MCF2L2: variants seen among roughly 807,000 people sequenced by gnomAD.
MCF2L2 encodes the protein MCF.2 cell line derived transforming sequence-like 2.
A neutral mutation model predicts 150.2 loss-of-function variants in MCF2L2; 102 were observed. That is an observed-to-expected ratio of 0.68 (90% CI 0.58 to 0.80). The LOEUF (loss-of-function observed/expected upper bound fraction) is 0.80. MCF2L2 is among the 30% of genes least tolerant of loss of function. The pLI is 0.00. For synonymous variants in MCF2L2, 465 were observed against 491.3 expected (o/e 0.95, Z 0.71); for missense variants, 1,256 against 1,372.8 (o/e 0.91, Z 1.34).
chr3:183,231,568 C>T (rs1341177006), intron 15 of MCF2L2, among the ~76,000 whole-genome samples: 3 of 152,014 alleles, frequency 2.0e-5, no homozygotes, highest in African/African-American at 4.8e-5. Flanking sequence ...AACCCTCCTG[C>T]CTCAGCCTCC....
rs73886927 is a variant in MCF2L2, at chr3:183,408,445, G to A, written c.77-18666C>T. On this transcript the variant is annotated intron_variant, in intron 1 of 29. Coordinates refer to ENST00000328913, the MANE Select transcript of MCF2L2 (RefSeq NM_015078.4). ...CCTGAGGAGCTGCGCAGGATGCTGC[G>A]GCTGCAGCAGTGGAGGTGGTGGCCT... Among the ~76,000 whole-genome samples the A allele has an allele frequency of 7.5e-3, 1,137 of 152,260 alleles. 16 individuals are homozygous for A. The highest frequency in any genetic ancestry group is 0.025 in the African/African-American group (1,041 of 41,542).
intron 10 of MCF2L2, among the ~76,000 whole-genome samples, chr3:183,308,801 G>A (rs1729222976): frequency 1.3e-5 from 2 of 152,108 alleles, no homozygotes; most frequent in African/African-American, 2.4e-5. Flanking sequence ...TCTAATTAGC[G>A]CTTACTCAGG....
intron 15 of MCF2L2, among the ~76,000 whole-genome samples, chr3:183,256,593 G>A (rs946268179): frequency 6.6e-6 from 1 of 152,180 alleles, no homozygotes; most frequent in East Asian, 1.9e-4. Context: ...TACCAAGTGT[G>A]TAGGCAACAA....
intron 14 of MCF2L2, among the ~76,000 whole-genome samples, chr3:183,285,309 C>G (rs1727724859): frequency 6.6e-6 from 1 of 152,190 alleles, no homozygotes; most frequent in Non-Finnish European, 1.5e-5. Context: ...CAGAAAAGGA[C>G]ATTTAGGGCA....
At position 183,259,484 on chromosome 3, in the gene MCF2L2, T is replaced by TA. The variant is rs573230513; in HGVS notation, c.1862+17387dup. Among the ~76,000 whole-genome samples the TA allele has an allele frequency of 4.2e-3, 642 of 152,352 alleles. 9 individuals carry two copies. The highest frequency in any genetic ancestry group is 1.4e-3 in the Non-Finnish European group (97 of 68,026). ...ACATCTCTTCATCAGGTTTACTTCTTACGTGTCATTTTATGAGCTGACTTT... is the reference window on the plus strand; with the variant it reads ...ACATCTCTTCATCAGGTTTACTTCTTAACGTGTCATTTTATGAGCTGACTTT... On this transcript the variant is annotated intron_variant, in intron 15 of 29. Transcript: ENST00000328913.
intron 1 of MCF2L2, among the ~76,000 whole-genome samples, chr3:183,425,296 A>G (rs1003746053): frequency 2.0e-5 from 3 of 152,182 alleles, no homozygotes; most frequent in African/African-American, 7.2e-5. Context: ...GAAAGAGCAG[A>G]AACCCCTGCT....
chr3:183,382,145 G>A (rs1466769301), intron 2 of MCF2L2, among the ~76,000 whole-genome samples: 2 of 151,758 alleles, frequency 1.3e-5, no homozygotes, highest in African/African-American at 2.4e-5. Flanking sequence ...TGCAACCTCC[G>A]CCTCCCAGGT....
intron 3 of MCF2L2, chr3:183,377,430 A>G (rs1577105387): frequency 1.3e-5 from 2 of 152,194 alleles, no homozygotes; most frequent in East Asian, 1.9e-4. Flanking sequence ...TCATCACCCT[A>G]CAACAAATAC....
intron 1 of MCF2L2, among the ~76,000 whole-genome samples, chr3:183,423,048 C>G (rs1044775942): frequency 1.3e-5 from 2 of 152,174 alleles, no homozygotes; most frequent in Non-Finnish European, 2.9e-5. Context: ...AGGGTTCAAA[C>G]ATTTTTAGTA....
chr3:183,349,228 T>G (rs1362200740), intron 3 of MCF2L2, among the ~76,000 whole-genome samples: 1 of 152,234 alleles, frequency 6.6e-6, no homozygotes, highest in African/African-American at 2.4e-5. Flanking sequence ...TCCTTCCTTT[T>G]GTTTTCTTTG....
intron 1 of MCF2L2, among the ~76,000 whole-genome samples, chr3:183,391,170 A>G (rs1011849145): frequency 3.9e-5 from 6 of 152,026 alleles, no homozygotes; most frequent in African/African-American, 1.4e-4. Flanking sequence ...GATAATATAT[A>G]TGGAGATGTA....
chr3:183,298,765 G>GTGCGCGCGCGCGCGCACACACACACACA (rs1553776981), intron 11 of MCF2L2: 1 of 138,500 alleles, frequency 7.2e-6, no homozygotes, highest in African/African-American at 2.9e-5. Flanking sequence ...AAACACACAT[G>GTGCGCGCGCGCGCGCACACACACACACA]CACACACACA....
intron 25 of MCF2L2, among the ~76,000 whole-genome samples, chr3:183,202,673 C>T (rs1182279998): frequency 6.6e-6 from 1 of 152,220 alleles, no homozygotes; most frequent in Non-Finnish European, 1.5e-5. Flanking sequence ...ACTAAGCTAA[C>T]TGAACAGAGG....
At chr3:183,259,699 C>A (rs1725410364) in intron 15 of MCF2L2, among the ~76,000 whole-genome samples, 1 of 152,134 alleles carries the variant, frequency 6.6e-6, no homozygotes, top group African/African-American at 2.4e-5. Flanking sequence ...CTTCCTTCCA[C>A]CCCACCTCTT....
At chr3:183,368,430 G>T (rs1412986401) in intron 3 of MCF2L2, among the ~76,000 whole-genome samples, 1 of 152,158 alleles carries the variant, frequency 6.6e-6, no homozygotes, top group Non-Finnish European at 1.5e-5. Flanking sequence ...AGCTACAACA[G>T]TAGGGTTCAG....
chr3:183,325,123 G>C (rs1474924967), intron 5 of MCF2L2, among the ~76,000 whole-genome samples: 1 of 116,326 alleles, frequency 8.6e-6, no homozygotes, highest in East Asian at 3.0e-4. Context: ...GTTGTGGGGT[G>C]GGGGGAGGGG....
intron 10 of MCF2L2, among the ~76,000 whole-genome samples, chr3:183,309,047 T>C (rs889649757): frequency 9.2e-5 from 14 of 152,330 alleles, no homozygotes; most frequent in African/African-American, 3.1e-4. Flanking sequence ...CTGTAAACAC[T>C]TAAAATGGAA....
chr3:183,295,624 C>A (rs1190081525), intron 12 of MCF2L2, 147 bp from the exon 13 acceptor site: 8 of 704,656 alleles, frequency 1.1e-5, no homozygotes, highest in Non-Finnish European at 1.9e-5. Context: ...ATGCAAGTCG[C>A]TGCAGGTCCT....
intron 2 of MCF2L2, among the ~76,000 whole-genome samples, chr3:183,387,884 A>G (rs567903513): frequency 6.9e-6 from 1 of 145,412 alleles, no homozygotes; most frequent in Admixed American, 7.2e-5. Context: ...GTGAGTTGAG[A>G]TCGTGCTATT....
Sources: allele counts gnomAD v4.1 joint callset (sites outside exome capture counted in the v4.1 genomes callset), GRCh38; gene constraint gnomAD v4.1.1; transcripts MANE v1.5; gene names NCBI Gene and HGNC (gene_info 2026-07-23, HGNC 2026-07-21).